The following SVEP1 variants were observed in gnomAD, a reference collection of about 807,000 sequenced individuals.
SVEP1 encodes sushi, von Willebrand factor type A, EGF and pentraxin domain containing 1.
Under a neutral mutation model 367.3 loss-of-function variants are expected in SVEP1, and 164 were observed. That is an observed-to-expected ratio of 0.45 (90% CI 0.39 to 0.51). The LOEUF (loss-of-function observed/expected upper bound fraction) is 0.51. Among genes scored for constraint, SVEP1 ranks in the 20% least tolerant of loss-of-function variants. The probability of loss-of-function intolerance (pLI) is 0.00; values close to 1 mark genes in which losing one functional copy is unlikely to be tolerated. For missense variants in SVEP1, 4,117 were observed against 4,425.3 expected (o/e 0.93, Z 1.98); for synonymous variants, 1,666 against 1,611.6 (o/e 1.03, Z -0.81).
chr9:110,573,896 T>C (rs1564180326), intron 1 of SVEP1, among the ~76,000 whole-genome samples: 11 of 150,204 alleles, frequency 7.3e-5, no homozygotes. Context: ...CTATTGACTG[T>C]GTACTAATTA....
intron 1 of SVEP1, among the ~76,000 whole-genome samples, chr9:110,558,436 C>T (rs1384578431): frequency 6.7e-6 from 1 of 149,300 alleles, no homozygotes; most frequent in East Asian, 2.0e-4. Flanking sequence ...ACTACTTGGG[C>T]CCAGGAGGTG....
chr9:110,546,376 C>A (rs1830221399), intron 2 of SVEP1, 85 bp from the exon 3 acceptor site: 4 of 1,415,684 alleles, frequency 2.8e-6, no homozygotes, highest in Middle Eastern at 1.8e-4. Context: ...TAAGTGCAAG[C>A]TGGAGAAAAT....
intron 8 of SVEP1, among the ~76,000 whole-genome samples, chr9:110,492,917 A>G (rs1358776752): frequency 6.6e-6 from 1 of 152,118 alleles, no homozygotes; most frequent in Admixed American, 6.5e-5. Context: ...ATGAATGTAG[A>G]CAGGTGGCTG....
At chr9:110,572,671 G>A (rs1056004441) in intron 1 of SVEP1, among the ~76,000 whole-genome samples, 3 of 151,512 alleles carry the variant, frequency 2.0e-5, no homozygotes, top group East Asian at 1.9e-4. Flanking sequence ...AGACCAGCTC[G>A]GCCAACATGG....
At chr9:110,416,685 G>C (rs776850391) in intron 36 of SVEP1, among the ~76,000 whole-genome samples, 2 of 151,930 alleles carry the variant, frequency 1.3e-5, no homozygotes, top group Non-Finnish European at 2.9e-5. Context: ...CAAGATGAAT[G>C]ACAATAAATA....
chr9:110,503,302 G>T (rs1829568848), intron 5 of SVEP1, 85 bp from the exon 6 acceptor site: 2 of 1,344,628 alleles, frequency 1.5e-6, no homozygotes, highest in Non-Finnish European at 1.0e-6. Flanking sequence ...CCTGCACATT[G>T]CAAGCAAGAC....
intron 5 of SVEP1, among the ~76,000 whole-genome samples, chr9:110,508,361 T>C (rs1180543467): frequency 6.6e-6 from 1 of 152,172 alleles, no homozygotes; most frequent in Non-Finnish European, 1.5e-5. Context: ...GAAAATAAAA[T>C]AAATCTGATG....
At chr9:110,546,677 G>A (rs1480543897) in intron 2 of SVEP1, among the ~76,000 whole-genome samples, 7 of 152,148 alleles carry the variant, frequency 4.6e-5, no homozygotes, top group East Asian at 3.8e-4. Context: ...CCCCAGCAAC[G>A]AGTCCCCAGA....
At chr9:110,393,634 C>CT (rs2118980013) in intron 40 of SVEP1, among the ~76,000 whole-genome samples, 1 of 152,272 alleles carries the variant, frequency 6.6e-6, no homozygotes, top group African/African-American at 2.4e-5. Flanking sequence ...CAGATGGCAC[C>CT]TGGAAAATCG....
intron 40 of SVEP1, among the ~76,000 whole-genome samples, chr9:110,390,355 A>ATAAGTATGTGTATATATACG (rs1452479835): frequency 8.9e-6 from 1 of 112,814 alleles, no homozygotes; most frequent in Admixed American, 9.6e-5. Flanking sequence ...ATACACTTAT[A>ATAAGTATGTGTATATATACG]TATATATACT....
intron 43 of SVEP1, among the ~76,000 whole-genome samples, chr9:110,382,746 GA>G (rs1827456974): frequency 1.3e-5 from 2 of 152,186 alleles, no homozygotes; most frequent in South Asian, 4.1e-4. Flanking sequence ...ATAGTTCTCA[GA>G]GGTTTTGTTC....
In SVEP1 at chr9:110,453,182, A is replaced by G. The variant is rs375331976; in HGVS notation, c.3788-1780T>C. Among the ~76,000 whole-genome samples the G allele has an allele frequency of 3.6e-4, 55 of 152,258 alleles. No homozygotes were observed. The East Asian group carries it at 6.6e-3, about 18-fold the overall frequency. On this transcript the variant is annotated intron_variant, in intron 22 of 47. Transcript: ENST00000374469. Reference sequence around the variant, plus strand: ...AGAAAATTATATACCCACACATATTAAAATATATATTCAGATATCTTTTTA... The same window carrying G: ...AGAAAATTATATACCCACACATATTGAAATATATATTCAGATATCTTTTTA...
chr9:110,440,162 G>A (rs534579682), intron 27 of SVEP1, among the ~76,000 whole-genome samples: 1 of 152,286 alleles, frequency 6.6e-6, no homozygotes, highest in South Asian at 2.1e-4. Flanking sequence ...ATTCACTGAA[G>A]GAGAAAATGT....
At chr9:110,498,605 TTC>T (rs1564159884) in intron 7 of SVEP1, among the ~76,000 whole-genome samples, 1 of 152,232 alleles carries the variant, frequency 6.6e-6, no homozygotes, top group Non-Finnish European at 1.5e-5. Flanking sequence ...AAGAACTCTT[TTC>T]TGTTTTCAGT....
chr9:110,379,298 C>A (rs767399616), intron 44 of SVEP1, 49 bp downstream of exon 44: 1 of 1,587,826 alleles, frequency 6.3e-7, no homozygotes, highest in Non-Finnish European at 8.6e-7. Context: ...TTTCTATACA[C>A]ATTTCCCTGC....
chr9:110,502,141 C>T (rs1829543259), intron 6 of SVEP1, among the ~76,000 whole-genome samples: 2 of 135,002 alleles, frequency 1.5e-5, no homozygotes, highest in South Asian at 2.3e-4. Context: ...TTTGCACTGT[C>T]GCTGGGGCTA....
intron 1 of SVEP1, among the ~76,000 whole-genome samples, chr9:110,564,792 C>A (rs963147772): frequency 5.6e-5 from 7 of 125,234 alleles, no homozygotes; most frequent in African/African-American, 1.5e-4. Context: ...ATTCATAGAT[C>A]AGAAGATTAA....
At chr9:110,441,777 TCTTTG>T (rs1828513119) in intron 27 of SVEP1, among the ~76,000 whole-genome samples, 1 of 152,186 alleles carries the variant, frequency 6.6e-6, no homozygotes, top group South Asian at 2.1e-4. Context: ...GTTGGAAACC[TCTTTG>T]TTGTTTAGGA....
intron 23 of SVEP1, among the ~76,000 whole-genome samples, 191 bp downstream of exon 23, chr9:110,451,098 C>A (rs1368144017): frequency 6.6e-6 from 1 of 152,122 alleles, no homozygotes; most frequent in Non-Finnish European, 1.5e-5. Flanking sequence ...GAGTAAATTG[C>A]AGACCTGCAT....
Sources: allele counts gnomAD v4.1 joint callset (sites outside exome capture counted in the v4.1 genomes callset), GRCh38; gene constraint gnomAD v4.1.1; transcripts MANE v1.5; gene names NCBI Gene and HGNC (gene_info 2026-07-23, HGNC 2026-07-21).